The following CLINT1 variants were observed in gnomAD, a reference collection of about 807,000 sequenced individuals.
The protein encoded by CLINT1 is clathrin interacting protein localized in the trans-Golgi region.
A neutral mutation model predicts 70.4 loss-of-function variants in CLINT1; 15 were observed. That is an observed-to-expected ratio of 0.21 (90% CI 0.14 to 0.33). The LOEUF (loss-of-function observed/expected upper bound fraction) is 0.33, where lower values mean the gene tolerates loss of function less well. CLINT1 is among the 10% of genes least tolerant of loss of function. The probability of loss-of-function intolerance (pLI) is 1.00; values close to 1 mark genes in which losing one functional copy is unlikely to be tolerated. For missense variants in CLINT1, 615 were observed against 778.1 expected (o/e 0.79, Z 2.49); for synonymous variants, 227 against 254.7 (o/e 0.89, Z 1.04).
intron 1 of CLINT1, among the ~76,000 whole-genome samples, chr5:157,856,791 T>A (rs138379918): frequency 2.0e-5 from 3 of 152,342 alleles, no homozygotes; most frequent in Non-Finnish European, 4.4e-5. Flanking sequence ...TGTTCTTGAA[T>A]AATTTGGTTC....
Position 157,793,395 on chromosome 5 carries a change from A to G in CLINT1, c.1088-1400T>C, listed in dbSNP as rs575503681. On this transcript the variant is annotated intron_variant, in intron 9 of 11. Transcript: ENST00000411809. ...ATGTGTTGCCCCACCTGAAAACTTC[A>G]TATCTGAAATGATTAATCGTGGGAG... Among the ~76,000 whole-genome samples the G allele has an allele frequency of 5.3e-5, 8 of 152,316 alleles. 1 individual carries two copies. The highest frequency in any genetic ancestry group is 5.2e-4 in the Admixed American group (8 of 15,296).
intron 1 of CLINT1, among the ~76,000 whole-genome samples, chr5:157,833,332 CAG>C (rs1763307578): frequency 6.7e-6 from 1 of 149,372 alleles, no homozygotes; most frequent in African/African-American, 2.5e-5. Flanking sequence ...GCCTGGGTGA[CAG>C]AGAGAAACTC....
intron 5 of CLINT1, among the ~76,000 whole-genome samples, chr5:157,810,818 T>C (rs1185777821): frequency 6.6e-6 from 1 of 152,200 alleles, no homozygotes; most frequent in Non-Finnish European, 1.5e-5. Context: ...AAGTGGCTAA[T>C]GGAGCTTTTG....
chr5:157,790,934 G>A (rs192928029), intron 10 of CLINT1, among the ~76,000 whole-genome samples: 118 of 152,274 alleles, frequency 7.7e-4, no homozygotes, highest in African/African-American at 2.6e-3. Flanking sequence ...TTCACCATTC[G>A]AGAGAATGAT....
intron 1 of CLINT1, among the ~76,000 whole-genome samples, chr5:157,855,251 TA>T (rs1393556746): frequency 4.0e-5 from 6 of 149,930 alleles, no homozygotes; most frequent in Non-Finnish European, 7.4e-5. Context: ...AACAAATAAG[TA>T]GCAGTTTTGA....
chr5:157,825,343 T>C (rs1483849830), intron 1 of CLINT1, among the ~76,000 whole-genome samples: 1 of 152,070 alleles, frequency 6.6e-6, no homozygotes, highest in Non-Finnish European at 1.5e-5. Context: ...ACACAAAACT[T>C]TGCTTTTAAA....
chr5:157,847,490 G>A (rs1179612294), intron 1 of CLINT1, among the ~76,000 whole-genome samples: 2 of 150,998 alleles, frequency 1.3e-5, no homozygotes, highest in East Asian at 3.9e-4. Context: ...CAGCCTGGGC[G>A]ACAGAGCAAG....
At chr5:157,846,763 T>C (rs894139932) in intron 1 of CLINT1, among the ~76,000 whole-genome samples, 2 of 152,234 alleles carry the variant, frequency 1.3e-5, no homozygotes, top group African/African-American at 2.4e-5. Context: ...CTAACGCAGC[T>C]GTGAGCCAGT....
chr5:157,797,221 T>C (rs552311620), intron 8 of CLINT1, among the ~76,000 whole-genome samples: 57 of 152,304 alleles, frequency 3.7e-4, no homozygotes, highest in African/African-American at 1.3e-3. Flanking sequence ...GTTAAAAACA[T>C]TGGTCAAGTA....
At chr5:157,841,001 C>T (rs769039779) in intron 1 of CLINT1, among the ~76,000 whole-genome samples, 1 of 152,202 alleles carries the variant, frequency 6.6e-6, no homozygotes, top group Non-Finnish European at 1.5e-5. Flanking sequence ...GTGGTTCACA[C>T]ATGCAATCCC....
intron 1 of CLINT1, among the ~76,000 whole-genome samples, chr5:157,842,019 T>G (rs561563767): frequency 9.2e-5 from 14 of 152,366 alleles, no homozygotes; most frequent in African/African-American, 3.4e-4. Flanking sequence ...GCAGTCATTC[T>G]TCCACTAACT....
At chr5:157,789,835 C>T (rs2113121541) in intron 10 of CLINT1, 1 of 432,274 alleles carries the variant, frequency 2.3e-6, no homozygotes, top group Non-Finnish European at 4.2e-6. Context: ...CTGGCAAATG[C>T]CCAGGGGAAC....
rs191533435 is a variant in CLINT1 at position 157,828,583 on chromosome 5, G to A, written c.42-11036C>T. On this transcript the variant is annotated intron_variant, in intron 1 of 11. Transcript: ENST00000411809. ...GTGGTAATAACTAGAGTGGGTTGAAGGGGGAGCATCTGTTTAAAAATTTAA... is the reference window on the plus strand; with the variant it reads ...GTGGTAATAACTAGAGTGGGTTGAAAGGGGAGCATCTGTTTAAAAATTTAA... Among the ~76,000 whole-genome samples the A allele has an allele frequency of 5.8e-4, 89 of 152,264 alleles. 1 individual carries two copies. Among genetic ancestry groups the A allele is most frequent in the African/African-American group, 2.1e-3 (87 of 41,548 alleles).
At chr5:157,809,561 C>G in intron 6 of CLINT1, 67 bp downstream of exon 6, 1 of 1,375,414 alleles carries the variant, frequency 7.3e-7, no homozygotes, top group Non-Finnish European at 9.6e-7. Flanking sequence ...CAACAAAAAA[C>G]CAAAAACCCA....
At chr5:157,852,789 T>C (rs1157563507) in intron 1 of CLINT1, among the ~76,000 whole-genome samples, 1 of 152,196 alleles carries the variant, frequency 6.6e-6, no homozygotes, top group Non-Finnish European at 1.5e-5. Context: ...CTAAGTATAG[T>C]GGCAAAGTAT....
chr5:157,821,070 G>GT (rs1345408418), intron 1 of CLINT1, among the ~76,000 whole-genome samples: 8 of 151,804 alleles, frequency 5.3e-5, no homozygotes, highest in South Asian at 4.2e-4. Context: ...CTTAGTTGTT[G>GT]TTTTTTTTAA....
intron 1 of CLINT1, among the ~76,000 whole-genome samples, chr5:157,856,838 TA>T: frequency 6.6e-6 from 1 of 152,340 alleles, no homozygotes; most frequent in South Asian, 2.1e-4. Flanking sequence ...AAAAGATAGA[TA>T]ATATTTTTCA....
At chr5:157,856,461 T>G (rs1258762274) in intron 1 of CLINT1, among the ~76,000 whole-genome samples, 2 of 152,362 alleles carry the variant, frequency 1.3e-5, no homozygotes, top group East Asian at 3.8e-4. Context: ...ATTCTATTGA[T>G]CCATCTATCT....
intron 1 of CLINT1, among the ~76,000 whole-genome samples, chr5:157,842,324 CAAT>C (rs1018363921): frequency 6.6e-6 from 1 of 152,110 alleles, no homozygotes; most frequent in African/African-American, 2.4e-5. Flanking sequence ...TCATTTTACT[CAAT>C]AATACACAAA....
Sources: allele counts gnomAD v4.1 joint callset (sites outside exome capture counted in the v4.1 genomes callset), GRCh38; gene constraint gnomAD v4.1.1; transcripts MANE v1.5; gene names NCBI Gene and HGNC (gene_info 2026-07-23, HGNC 2026-07-21).